ADGRE2: variants seen among roughly 807,000 people sequenced by gnomAD.
ADGRE2 encodes adhesion G protein-coupled receptor E2.
Under a neutral mutation model 100.8 loss-of-function variants are expected in ADGRE2, and 83 were observed. The ratio of observed to expected loss-of-function variants is 0.82; its 90% CI spans 0.69 to 0.99. ADGRE2 has a LOEUF of 0.99. Ranked by LOEUF, ADGRE2 falls within the 50% of genes least tolerant of loss-of-function variation. The pLI is 0.00. For synonymous variants in ADGRE2, 355 were observed against 413.0 expected (o/e 0.86, Z 1.70); for missense variants, 814 against 1,035.7 (o/e 0.79, Z 2.94).
intron 10 of ADGRE2, among the ~76,000 whole-genome samples, chr19:14,764,814 C>T (rs368117123): frequency 3.9e-5 from 6 of 152,122 alleles, no homozygotes; most frequent in Admixed American, 3.9e-4. Context: ...GTCAGGAGAT[C>T]GAGACCATCC....
At chr19:14,752,082 C>T (rs754921877) in intron 15 of ADGRE2, among the ~76,000 whole-genome samples, 15 of 151,706 alleles carry the variant, frequency 9.9e-5, no homozygotes, top group Non-Finnish European at 2.1e-4. Context: ...TACAGGTATG[C>T]GCCACCATGC....
chr19:14,776,038 GT>G (rs1413713659), intron 2 of ADGRE2, among the ~76,000 whole-genome samples: 1 of 152,030 alleles, frequency 6.6e-6, no homozygotes, highest in African/African-American at 2.4e-5. Flanking sequence ...GGAAAACGCT[GT>G]GGCCGCCTGT....
At chr19:14,766,888 T>C (rs1189074138) in intron 6 of ADGRE2, 90 bp downstream of exon 6, 35 of 1,474,844 alleles carry the variant, frequency 2.4e-5, no homozygotes, top group Non-Finnish European at 3.1e-5. Context: ...CTGCGGATCT[T>C]CTCCCTCCTC....
At chr19:14,771,412 C>T (rs368494195) in intron 5 of ADGRE2, among the ~76,000 whole-genome samples, 15 of 152,114 alleles carry the variant, frequency 9.9e-5, no homozygotes, top group Non-Finnish European at 1.6e-4. Flanking sequence ...AGCTCCCTCC[C>T]GCACCCAACT....
At chr19:14,748,505 C>T (rs937027491) in intron 16 of ADGRE2, among the ~76,000 whole-genome samples, 10 of 152,094 alleles carry the variant, frequency 6.6e-5, no homozygotes, top group East Asian at 1.9e-4. Context: ...GACGGGGTTT[C>T]ACCATGTTGG....
chr19:14,728,050 A>G (rs183084979), downstream of ADGRE2, among the ~76,000 whole-genome samples: 2 of 152,136 alleles, frequency 1.3e-5, no homozygotes, highest in Non-Finnish European at 2.9e-5. Context: ...GTGAAACCCC[A>G]TCTCTACTGA....
At chr19:14,754,439 T>TTTATCTATC (rs1269462238) in intron 14 of ADGRE2, among the ~76,000 whole-genome samples, 1 of 126,248 alleles carries the variant, frequency 7.9e-6, no homozygotes, top group African/African-American at 3.1e-5. Context: ...CAGGCAGAAA[T>TTTATCTATC]TATCTATCTA....
chr19:14,746,372 T>TCC, intron 17 of ADGRE2, 49 bp from the exon 18 acceptor site: 1 of 978,542 alleles, frequency 1.0e-6, no homozygotes, highest in Non-Finnish European at 1.5e-6. Flanking sequence ...AAACCTGTTA[T>TCC]CTCTTTTTTT....
In ADGRE2 at chr19:14,736,240, T is replaced by C; in HGVS notation, c.2468A>G (p.Asn823Ser). The change falls in exon 21 of 21, where the codon AAC becomes AGC. Residue 823 changes from asparagine to serine, a missense_variant. This residue lies in a region of ADGRE2 where 569 missense variants were observed against 692.7 expected (regional missense o/e 0.82). Coordinates refer to ENST00000315576, the MANE Select transcript of ADGRE2 (RefSeq NM_013447.4). ...GATCTTATTCAGAAGATTTTTCTAG[T>C]TAACCTGAAATATATATATATGTAT... ...KADTSKPSTV[N>S] The C allele has an allele frequency of 1.3e-6, 2 of 1,572,272 alleles. No individual in the cohort carries two copies. The highest frequency in any genetic ancestry group is 2.2e-5 in the South Asian group (2 of 89,876).
chr19:14,759,398 A>G (rs1162030261), intron 11 of ADGRE2, among the ~76,000 whole-genome samples: 2 of 151,994 alleles, frequency 1.3e-5, no homozygotes, highest in African/African-American at 2.4e-5. Flanking sequence ...AACTGCCTAA[A>G]TAATTTCTTT....
Position 14,733,591 on chromosome 19 carries a change from A to C in ADGRE2, c.*2645T>G, listed in dbSNP as rs1599770026. On this transcript the variant is annotated 3_prime_UTR_variant, in exon 21 of 21. Transcript: ENST00000315576. ...ACTCTCCCTCCCATATAAGCACAAC[A>C]AAAAAAACACAGAAGCAGTCCAAGC... is the stretch of plus-strand genomic sequence containing the variant. The C allele has an allele frequency of 1.1e-5, 1 of 91,684 alleles. No homozygotes were observed. The highest frequency in any genetic ancestry group is 2.7e-5 in the Non-Finnish European group (1 of 37,134). The allele number at this position is 91,684 out of a possible 1,614,324, so 5.7% of individuals were successfully genotyped here. A position where few individuals can be genotyped will look rare whatever the true frequency, so the allele number is the denominator to read the frequency against.
chr19:14,752,265 C>T (rs2043321459), intron 15 of ADGRE2, 64 bp downstream of exon 15: 1 of 1,590,318 alleles, frequency 6.3e-7, no homozygotes, highest in South Asian at 1.1e-5. Context: ...AATGCCGCAT[C>T]ATTCCATGAG....
chr19:14,732,030 C>T (rs1401639163), downstream of ADGRE2: 3 of 152,200 alleles, frequency 2.0e-5, no homozygotes, highest in Non-Finnish European at 4.4e-5. Context: ...TTTCCTTCCT[C>T]CTCATTTTCC....
chr19:14,749,479 T>C (rs926928172), intron 16 of ADGRE2, among the ~76,000 whole-genome samples: 12 of 139,804 alleles, frequency 8.6e-5, no homozygotes, highest in Non-Finnish European at 4.6e-5. Flanking sequence ...AGTTATGTAA[T>C]ATAATTATTT....
intron 5 of ADGRE2, among the ~76,000 whole-genome samples, chr19:14,768,404 T>C (rs560676875): frequency 6.6e-6 from 1 of 152,272 alleles, no homozygotes; most frequent in Non-Finnish European, 1.5e-5. Context: ...TGAGAATCCA[T>C]AGCTGAGAAA....
intron 18 of ADGRE2, among the ~76,000 whole-genome samples, chr19:14,744,183 G>T (rs941446383): frequency 2.0e-5 from 3 of 151,748 alleles, no homozygotes; most frequent in African/African-American, 2.4e-5. Context: ...GGCGGAGGTT[G>T]CAGTGAGTCG....
chr19:14,776,976 GCACACACACACACA>G lies in ADGRE2; in HGVS notation c.-171-63_-171-50del, dbSNP rs58154734. The stretch of plus-strand genomic sequence containing the variant: ...ATAAAAACACAGAACCAGGGGCGCT[GCACACACACACACA>G]CACACACACACACACACACACACAC... On this transcript the variant is annotated intron_variant, in intron 1 of 20. Coordinates refer to ENST00000315576, the MANE Select transcript of ADGRE2 (RefSeq NM_013447.4). 117 of 1,026,204 alleles carry G rather than the reference GCACACACACACACA, an allele frequency of 1.1e-4. No homozygotes were observed. The South Asian group carries it at 2.0e-3, about 18-fold the overall frequency. The allele number at this position is 1,026,204 out of a possible 1,614,324, so 63.6% of individuals were successfully genotyped here.
chr19:14,771,259 T>C (rs1176596510), intron 5 of ADGRE2, among the ~76,000 whole-genome samples: 6 of 152,170 alleles, frequency 3.9e-5, no homozygotes, highest in Non-Finnish European at 8.8e-5. Context: ...ACCCCCTTAA[T>C]GTCCCCTGGG....
intron 4 of ADGRE2, 55 bp from the exon 5 acceptor site, chr19:14,772,552 C>T: frequency 1.3e-6 from 2 of 1,596,704 alleles, no homozygotes; most frequent in Non-Finnish European, 1.7e-6. Context: ...TCCGTCAGGG[C>T]AGAGACCCCC....
Sources: allele counts gnomAD v4.1 joint callset (sites outside exome capture counted in the v4.1 genomes callset), GRCh38; gene constraint gnomAD v4.1.1; regional missense constraint gnomAD v4.1.1; transcripts MANE v1.5; gene names NCBI Gene and HGNC (gene_info 2026-07-23, HGNC 2026-07-21).